The following RYR2 variants were observed in gnomAD, a reference collection of about 807,000 sequenced individuals.
RYR2 encodes the protein ryanodine receptor 2.
RYR2 carries 227 observed loss-of-function variants against 601.1 expected under a neutral mutation model. The observed-to-expected ratio is 0.38, with a 90% CI of 0.34 to 0.42. The LOEUF is 0.42. Among genes scored for constraint, RYR2 ranks in the 10% least tolerant of loss-of-function variants. The pLI, the probability that RYR2 is intolerant of heterozygous loss-of-function variation, is 1.00. For synonymous variants in RYR2, 2,223 were observed against 2,175.1 expected (o/e 1.02, Z -0.61); for missense variants, 4,646 against 6,156.5 (o/e 0.75, Z 8.21).
At chr1:237,452,493 T>C (rs1390720544) in intron 14 of RYR2, among the ~76,000 whole-genome samples, 3 of 144,834 alleles carry the variant, frequency 2.1e-5, no homozygotes, top group African/African-American at 7.5e-5. Flanking sequence ...ATATACTATA[T>C]ATAATGTATA....
intron 25 of RYR2, among the ~76,000 whole-genome samples, chr1:237,539,342 G>A (rs115264366): frequency 0.03 from 4,594 of 152,224 alleles, 138 homozygotes; most frequent in African/African-American, 0.079. Flanking sequence ...AAATATGGTC[G>A]ATTCCTACAC....
intron 2 of RYR2, among the ~76,000 whole-genome samples, chr1:237,309,104 C>T (rs1421830384): frequency 6.7e-6 from 1 of 148,640 alleles, no homozygotes; most frequent in Admixed American, 6.7e-5. Flanking sequence ...GGTGTATTTA[C>T]AATCCCTTAG....
At chr1:237,429,040 C>T (rs1486274220) in intron 12 of RYR2, among the ~76,000 whole-genome samples, 2 of 151,020 alleles carry the variant, frequency 1.3e-5, no homozygotes, top group Non-Finnish European at 3.0e-5. Context: ...AGGAATATTG[C>T]AGGGCTGACT....
At chr1:237,385,745 T>TA (rs1363085536) in intron 8 of RYR2, among the ~76,000 whole-genome samples, 4 of 152,242 alleles carry the variant, frequency 2.6e-5, no homozygotes, top group Non-Finnish European at 4.4e-5. Context: ...TGGAACAGCT[T>TA]AAAATGTGTG....
intron 2 of RYR2, among the ~76,000 whole-genome samples, chr1:237,277,524 T>A (rs1365473342): frequency 6.6e-6 from 1 of 152,182 alleles, no homozygotes; most frequent in Non-Finnish European, 1.5e-5. Context: ...AGTGGATTGA[T>A]GAGAGAAATC....
chr1:237,270,414 A>AT, intron 1 of RYR2, 83 bp from the exon 2 acceptor site: 1 of 1,525,888 alleles, frequency 6.6e-7, no homozygotes, highest in South Asian at 1.2e-5. Flanking sequence ...ATGCACTAAA[A>AT]TAATGTTCTT....
intron 34 of RYR2, among the ~76,000 whole-genome samples, chr1:237,600,155 A>G (rs1676339365): frequency 6.6e-6 from 1 of 152,162 alleles, no homozygotes; most frequent in Non-Finnish European, 1.5e-5. Flanking sequence ...AAAGCTGGAA[A>G]CATCACACTA....
chr1:237,610,835 T>C lies in RYR2; in HGVS notation c.4757T>C (p.Leu1586Pro). Residue 1586 changes from leucine to proline, a missense_variant, in exon 36 of 105, where the codon CTC becomes CCC. Coordinates refer to ENST00000366574, the MANE Select transcript of RYR2 (RefSeq NM_001035.3). The surrounding 1 kb of genome is among the most constrained non-coding windows in gnomAD (Gnocchi z 4.9). Reference protein sequence around the residue: ...KNPVPQCPPRLHVQFLSHVLW... With the variant: ...KNPVPQCPPRPHVQFLSHVLW... ...CCCGTGCCGCAGTGCCCCCCGCGCC[T>C]CCACGTGCAGTTCCTGTCACACGTC... The C allele has an allele frequency of 1.2e-6, 2 of 1,612,998 alleles. No individual in the cohort carries two copies. Among genetic ancestry groups the C allele is most frequent in the Non-Finnish European group, 1.7e-6 (2 of 1,179,580 alleles).
In RYR2 at chr1:237,796,809, G is replaced by C. The variant is rs1029663863; in HGVS notation, c.13957-1228G>C. ...ATTTTCTTTTTTTGTTTTTGAGACA[G>C]AGTCTCACTCTGTTGCCCAGGCTGG... On this transcript the variant is annotated intron_variant, in intron 96 of 104. Coordinates refer to ENST00000366574, the MANE Select transcript of RYR2 (RefSeq NM_001035.3). Among the ~76,000 whole-genome samples, 34 of 150,260 alleles carry C rather than the reference G, an allele frequency of 2.3e-4. 1 individual carries two copies. The highest frequency in any genetic ancestry group is 1.8e-3 in the Admixed American group (28 of 15,184).
chr1:237,600,525 A>G (rs1183344860), intron 34 of RYR2, among the ~76,000 whole-genome samples: 1 of 152,188 alleles, frequency 6.6e-6, no homozygotes, highest in Admixed American at 6.6e-5. Context: ...GAAACACTTC[A>G]TGACATTGGA....
intron 1 of RYR2, among the ~76,000 whole-genome samples, chr1:237,113,682 C>T (rs982201805): frequency 6.6e-6 from 1 of 152,120 alleles, no homozygotes; most frequent in African/African-American, 2.4e-5. Context: ...AAAAAATCCA[C>T]ATAGTACACT....
intron 27 of RYR2, among the ~76,000 whole-genome samples, chr1:237,560,705 G>A (rs1256258027): frequency 6.6e-6 from 1 of 152,114 alleles, no homozygotes; most frequent in Non-Finnish European, 1.5e-5. Flanking sequence ...CATTTGCATA[G>A]TTTTTTGCCA....
intron 79 of RYR2, among the ~76,000 whole-genome samples, chr1:237,740,416 C>A (rs1691507587): frequency 6.6e-6 from 1 of 152,004 alleles, no homozygotes; most frequent in Non-Finnish European, 1.5e-5. Flanking sequence ...ATTAAATTTT[C>A]CTAGGAAGAT....
At chr1:237,616,713 T>A (rs780672599) in intron 37 of RYR2, among the ~76,000 whole-genome samples, 1 of 152,184 alleles carries the variant, frequency 6.6e-6, no homozygotes, top group Non-Finnish European at 1.5e-5. Context: ...GGAGGGTAAG[T>A]GTATTAGTTC....
rs1470039243 is a variant in RYR2, at chr1:237,832,712, T to C, written c.*65T>C. 3 of 919,222 alleles carry C rather than the reference T, an allele frequency of 3.3e-6. No homozygotes were observed. The highest frequency in any genetic ancestry group is 3.3e-5 in the African/African-American group (2 of 60,502). The allele number at this position is 919,222 out of a possible 1,614,324, so 56.9% of individuals were successfully genotyped here. Reference sequence around the variant, plus strand: ...CTCTCTCTCCCTCTCTCAATTTCTCTGCTCTCTTGGAAACATTTTGCTGAT... The same window carrying C: ...CTCTCTCTCCCTCTCTCAATTTCTCCGCTCTCTTGGAAACATTTTGCTGAT... On this transcript the variant is annotated 3_prime_UTR_variant, in exon 105 of 105. Transcript: ENST00000366574.
intron 1 of RYR2, among the ~76,000 whole-genome samples, chr1:237,108,887 C>A (rs1669092055): frequency 6.6e-6 from 1 of 152,152 alleles, no homozygotes; most frequent in Non-Finnish European, 1.5e-5. Flanking sequence ...GTACTGGCTC[C>A]TAAGAGCAGC....
rs368103385 is a variant in RYR2, at chr1:237,783,826, T to C, written c.12114T>C (p.Asp4038=). The change falls in exon 90 of 105, where the codon GAT becomes GAC. Residue 4038 remains aspartate (D), a synonymous_variant. Transcript: ENST00000366574. ...SSDTFKEYDP[D]GKGVISKRDF... ...ATACTTTTAAAGAATATGACCCCGA[T>C]GGCAAGGGAGTCATTTCCAAGAGGG... The C allele has an allele frequency of 2.5e-5, 40 of 1,613,862 alleles. No individual in the cohort carries two copies. The African/African-American group carries it at 3.9e-4, about 16-fold the overall frequency.
At chr1:237,674,510 A>G (rs981809584) in intron 59 of RYR2, among the ~76,000 whole-genome samples, 1 of 152,136 alleles carries the variant, frequency 6.6e-6, no homozygotes, top group African/African-American at 2.4e-5. Flanking sequence ...GCATAGTAAG[A>G]GAGTCACTCA....
rs775347621 is a variant in RYR2 at position 237,270,289 on chromosome 1, T to TC, written c.49-204dup. The TC allele has an allele frequency of 1.3e-5, 9 of 709,714 alleles. No homozygotes were observed. The East Asian group carries it at 2.3e-4, about 18-fold the overall frequency. 44.0% of individuals were successfully genotyped at this position (709,714 alleles called of 1,614,324 possible). On this transcript the variant is annotated intron_variant, in intron 1 of 104. Coordinates refer to ENST00000366574, the MANE Select transcript of RYR2 (RefSeq NM_001035.3). ...TTGAATGGCCGTAGCTCCCCTCTTT[T>TC]CCCCTACTCAGTTGCCTTTTTGCAA...
Sources: gnomAD v4.1 joint callset for allele counts (sites outside exome capture counted in the v4.1 genomes callset) on GRCh38, gnomAD v4.1.1 for gene constraint, Gnocchi (gnomAD v3.1) non-coding constraint, MANE v1.5 for transcripts, NCBI Gene and HGNC (gene_info 2026-07-23, HGNC 2026-07-21) for gene names.